Variants in FAM83B observed in about 807,000 individuals in gnomAD.
The protein encoded by FAM83B is scaffolding CK1 anchoring protein B.
FAM83B carries 26 observed loss-of-function variants against 38.8 expected under a neutral mutation model. The observed-to-expected ratio is 0.67, with a 90% CI of 0.49 to 0.93. The LOEUF (loss-of-function observed/expected upper bound fraction) is 0.93, where lower values mean the gene tolerates loss of function less well. FAM83B is among the 40% of genes least tolerant of loss of function. The pLI is 0.00. For missense variants in FAM83B, 1,237 were observed against 1,197.3 expected (o/e 1.03, Z -0.49); for synonymous variants, 419 against 423.1 (o/e 0.99, Z 0.12).
intron 4 of FAM83B, among the ~76,000 whole-genome samples, chr6:54,931,441 T>G (rs1201800685): frequency 6.6e-6 from 1 of 152,190 alleles, no homozygotes; most frequent in Non-Finnish European, 1.5e-5. Flanking sequence ...CTGTTAAAGT[T>G]TGCTTTGTAT....
At chr6:54,874,111 C>G (rs1471843620) in intron 2 of FAM83B, among the ~76,000 whole-genome samples, 1 of 151,870 alleles carries the variant, frequency 6.6e-6, no homozygotes, top group African/African-American at 2.4e-5. Flanking sequence ...TCATTTCTAG[C>G]TTAAGTTATA....
At chr6:54,899,202 A>T (rs1772602432) in intron 2 of FAM83B, among the ~76,000 whole-genome samples, 1 of 152,204 alleles carries the variant, frequency 6.6e-6, no homozygotes, top group Non-Finnish European at 1.5e-5. Flanking sequence ...ATATAAATAG[A>T]TAAAGTAGAA....
At chr6:54,909,018 CGT>C (rs1000238201) in intron 2 of FAM83B, among the ~76,000 whole-genome samples, 1 of 152,028 alleles carries the variant, frequency 6.6e-6, no homozygotes, top group Non-Finnish European at 1.5e-5. Flanking sequence ...ATGTCTTTGG[CGT>C]GTGTCTGTAT....
chr6:54,890,571 A>G (rs1440259076), intron 2 of FAM83B, among the ~76,000 whole-genome samples: 1 of 152,118 alleles, frequency 6.6e-6, no homozygotes, highest in African/African-American at 2.4e-5. Flanking sequence ...TAGTACAGGA[A>G]ATGTGACCAA....
In FAM83B at chr6:54,941,436, C is replaced by G. The variant is rs758215331; in HGVS notation, c.2465C>G (p.Thr822Arg). 6.2e-7 allele frequency: 1 copy of G among 1,613,122 alleles called. No individual in the cohort carries two copies. The highest frequency in any genetic ancestry group is 1.1e-5 in the South Asian group (1 of 90,844). The change falls in exon 5 of 5, where the codon ACA (threonine) becomes AGA (arginine). Residue 822 changes from threonine to arginine, a missense_variant. Transcript: ENST00000306858. ...AATCAAAAACCAAAGAAATCAGACA[C>G]AAAAGTTGATTCATCTCCTAGAAGA... ...EENQKPKKSD[T>R]KVDSSPRRKH...
chr6:54,868,845 A>G (rs979924827), intron 1 of FAM83B, among the ~76,000 whole-genome samples: 10 of 152,156 alleles, frequency 6.6e-5, no homozygotes, highest in Admixed American at 6.6e-4. Flanking sequence ...CTGTACTGTT[A>G]GACTTTCTTT....
intron 1 of FAM83B, among the ~76,000 whole-genome samples, chr6:54,856,292 C>G (rs1771445102): frequency 6.6e-6 from 1 of 152,212 alleles, no homozygotes; most frequent in Admixed American, 6.5e-5. Flanking sequence ...CTCCCTCTCC[C>G]CCACTGTTAT....
chr6:54,854,325 T>C (rs775636494), intron 1 of FAM83B, among the ~76,000 whole-genome samples: 49 of 152,230 alleles, frequency 3.2e-4, no homozygotes, highest in Non-Finnish European at 6.2e-4. Flanking sequence ...TTTTACCATA[T>C]GTAAACTGCT....
In FAM83B at chr6:54,941,640, A is replaced by C; in HGVS notation, c.2669A>C (p.Asn890Thr). 1 of 1,614,142 alleles carries C rather than the reference A, an allele frequency of 6.2e-7. No homozygotes were observed. The highest frequency in any genetic ancestry group is 8.5e-7 in the Non-Finnish European group (1 of 1,180,024). The change falls in exon 5 of 5, where the codon AAC (asparagine) becomes ACC (threonine). Residue 890 changes from asparagine to threonine, a missense_variant. Asn to Thr is a moderately conservative substitution (Grantham distance 65, BLOSUM62 0). Coordinates refer to ENST00000306858, the MANE Select transcript of FAM83B (RefSeq NM_001010872.3). Reference protein sequence around the residue: ...RAGDASAPRFNTEQIQYRDSR... With the variant: ...RAGDASAPRFTTEQIQYRDSR... ...GGAGATGCCTCTGCCCCAAGATTTA[A>C]CACTGAACAGATCCAATACCGAGAT...
At chr6:54,896,275 T>G (rs1021055418) in intron 2 of FAM83B, among the ~76,000 whole-genome samples, 1 of 152,224 alleles carries the variant, frequency 6.6e-6, no homozygotes, top group Non-Finnish European at 1.5e-5. Flanking sequence ...AAAAGCATAA[T>G]CTTAACATTC....
At chr6:54,873,033 T>C (rs1022017149) in intron 2 of FAM83B, among the ~76,000 whole-genome samples, 3 of 151,760 alleles carry the variant, frequency 2.0e-5, no homozygotes, top group Non-Finnish European at 4.4e-5. Context: ...TTTTTATTTT[T>C]TGTTTTTAAC....
At chr6:54,895,369 A>C (rs568814592) in intron 2 of FAM83B, among the ~76,000 whole-genome samples, 20 of 152,324 alleles carry the variant, frequency 1.3e-4, no homozygotes, top group Middle Eastern at 3.4e-3. Context: ...ATAAAATTCT[A>C]TTATACCTCC....
chr6:54,931,046 C>T (rs1773409370), intron 4 of FAM83B, among the ~76,000 whole-genome samples: 1 of 151,874 alleles, frequency 6.6e-6, no homozygotes, highest in Non-Finnish European at 1.5e-5. Context: ...TTTGTGACTT[C>T]TTCTTTGACT....
chr6:54,888,392 C>A (rs1346704013), intron 2 of FAM83B, among the ~76,000 whole-genome samples: 1 of 151,570 alleles, frequency 6.6e-6, no homozygotes, highest in Non-Finnish European at 1.5e-5. Flanking sequence ...AATTTTCCTT[C>A]TTCCTAAAGA....
intron 2 of FAM83B, among the ~76,000 whole-genome samples, chr6:54,925,608 G>A (rs1773270656): frequency 6.6e-6 from 1 of 151,908 alleles, no homozygotes; most frequent in Non-Finnish European, 1.5e-5. Context: ...GTAATTTTAG[G>A]CAAGTACAGC....
chr6:54,846,478 C>T (rs1036739521), upstream of FAM83B, among the ~76,000 whole-genome samples: 3 of 152,218 alleles, frequency 2.0e-5, no homozygotes, highest in African/African-American at 4.8e-5. Flanking sequence ...GTAATTGCCC[C>T]GTAGCCCCGA....
chr6:54,880,309 T>G (rs932203229), intron 2 of FAM83B, among the ~76,000 whole-genome samples: 11 of 152,240 alleles, frequency 7.2e-5, no homozygotes, highest in Non-Finnish European at 1.5e-5. Context: ...TGTTTACTCT[T>G]TAAGTATCAG....
chr6:54,929,137 A>C (rs915964504), intron 4 of FAM83B, among the ~76,000 whole-genome samples: 3 of 152,142 alleles, frequency 2.0e-5, no homozygotes, highest in Admixed American at 2.0e-4. Context: ...AATAATTTAT[A>C]GTTGTAATCA....
chr6:54,941,014 G>T lies in FAM83B; in HGVS notation c.2043G>T (p.Lys681Asn). 1.2e-6 allele frequency: 2 copies of T among 1,613,954 alleles called. No homozygotes were observed. The highest frequency in any genetic ancestry group is 1.7e-6 in the Non-Finnish European group (2 of 1,179,976). The stretch of plus-strand genomic sequence containing the variant: ...CCAACTTAGATCCTGGAAATAGTAA[G>T]CATTATGTATATAGTACACTTACCA... ...SKANLDPGNS[K>N]HYVYSTLTRN... Residue 681 changes from lysine (K) to asparagine (N), a missense_variant, in exon 5 of 5, where the codon AAG becomes AAT. Physicochemically the swap from Lys to Asn is moderately conservative, Grantham distance 94. Transcript: ENST00000306858.
Sources: gnomAD v4.1 joint callset for allele counts (sites outside exome capture counted in the v4.1 genomes callset) on GRCh38, gnomAD v4.1.1 for gene constraint, MANE v1.5 for transcripts, NCBI Gene and HGNC (gene_info 2026-07-23, HGNC 2026-07-21) for gene names.